Variants in NREP observed in about 807,000 individuals in gnomAD.
The protein encoded by NREP is neuronal regeneration-related protein.
In NREP, 5 loss-of-function variants were observed where a neutral mutation model predicts 8.6. The ratio of observed to expected loss-of-function variants is 0.58; its 90% CI spans 0.30 to 1.22. The LOEUF (loss-of-function observed/expected upper bound fraction) is 1.22, where lower values mean the gene tolerates loss of function less well. Among genes scored for constraint, NREP ranks in the 50% most tolerant of loss-of-function variants. The pLI is 0.07. For missense variants in NREP, 86 were observed against 82.5 expected (o/e 1.04, Z -0.17); for synonymous variants, 27 against 28.0 (o/e 0.96, Z 0.11).
At chr5:111,819,249 C>T (rs893308238) in intron 2 of NREP, among the ~76,000 whole-genome samples, 1 of 152,144 alleles carries the variant, frequency 6.6e-6, no homozygotes, top group African/African-American at 2.4e-5. Flanking sequence ...TCTCTAACCA[C>T]CCTTTCTGTC....
intron 2 of NREP, among the ~76,000 whole-genome samples, chr5:111,868,642 A>T (rs182653845): frequency 3.9e-5 from 6 of 152,288 alleles, no homozygotes; most frequent in Non-Finnish European, 8.8e-5. Context: ...TGCATGTCTG[A>T]GTTTACTACA....
At chr5:111,976,888 G>T (rs1756981896) in exon 1 of NREP, 2 of 602,686 alleles carry the variant, frequency 3.3e-6, no homozygotes, top group East Asian at 3.1e-5. Flanking sequence ...TGATTGCACT[G>T]CCTGGAAAAG....
chr5:111,764,718 T>C (rs1227401220), intron 2 of NREP, among the ~76,000 whole-genome samples: 1 of 151,910 alleles, frequency 6.6e-6, no homozygotes, highest in African/African-American at 2.4e-5. Context: ...AATAAGGAGG[T>C]TTTTCTTTTC....
At chr5:111,758,143 C>G (rs1581094874), upstream of NREP, 2 of 985,566 alleles carry the variant, frequency 2.0e-6, no homozygotes, top group Non-Finnish European at 2.4e-6. Flanking sequence ...TACGCGCGCC[C>G]CACTCCCTTC....
In NREP at chr5:111,730,923, A is replaced by T. The variant is rs1748487843; in HGVS notation, c.205T>A (p.Ter69LysextTer2). ...SPRISYLHFF* is the reference protein window; with the variant it reads ...SPRISYLHFFK ...TAATACAAATGGAGGTGTTACGATT[A>T]AAAAAAGTGGAGGTAACTGATTCTT... The change falls in exon 4 of 4, where the codon TAA becomes AAA. Residue 69 changes from the stop codon to lysine (K), a stop_lost. Transcript: ENST00000257435. The T allele has an allele frequency of 5.0e-6, 8 of 1,613,408 alleles. No individual in the cohort carries two copies. The highest frequency in any genetic ancestry group is 1.3e-5 in the African/African-American group (1 of 74,882).
At chr5:111,939,260 C>A (rs1284967903) in intron 2 of NREP, among the ~76,000 whole-genome samples, 1 of 151,994 alleles carries the variant, frequency 6.6e-6, no homozygotes, top group Non-Finnish European at 1.5e-5. Flanking sequence ...ACATCTGATG[C>A]AAAAAGTAGG....
chr5:111,865,775 C>T (rs759751966), intron 2 of NREP, among the ~76,000 whole-genome samples: 7 of 152,096 alleles, frequency 4.6e-5, no homozygotes, highest in East Asian at 1.9e-4. Flanking sequence ...TGTGAGGTAA[C>T]GTGGATACAA....
intron 2 of NREP, among the ~76,000 whole-genome samples, chr5:111,899,757 C>T (rs761467559): frequency 1.3e-4 from 20 of 151,998 alleles, no homozygotes; most frequent in Admixed American, 3.3e-4. Flanking sequence ...AAACATATTC[C>T]GTGCAAATAG....
intron 2 of NREP, among the ~76,000 whole-genome samples, chr5:111,882,863 T>A (rs1347715275): frequency 6.6e-6 from 1 of 152,260 alleles, no homozygotes; most frequent in Non-Finnish European, 1.5e-5. Context: ...TACCAGCCAC[T>A]GCAAAATCAT....
intron 2 of NREP, chr5:111,739,650 C>T (rs1258908043): frequency 6.6e-6 from 1 of 152,052 alleles, no homozygotes; most frequent in Non-Finnish European, 1.5e-5. Flanking sequence ...ATACTGCATT[C>T]CATTCATTCA....
intron 2 of NREP, among the ~76,000 whole-genome samples, chr5:111,911,905 T>C (rs1008836057): frequency 6.6e-6 from 1 of 152,046 alleles, no homozygotes; most frequent in African/African-American, 2.4e-5. Context: ...CCCACCACCA[T>C]CCTATAAGCA....
intron 2 of NREP, chr5:111,738,475 C>G (rs1432350846): frequency 2.0e-5 from 3 of 152,186 alleles, no homozygotes; most frequent in African/African-American, 7.2e-5. Flanking sequence ...ATGTTCTAGT[C>G]TACTCGCCAG....
chr5:111,756,137 A>C (rs1750688357), intron 1 of NREP: 1 of 1,075,944 alleles, frequency 9.3e-7, no homozygotes, highest in Non-Finnish European at 1.1e-6. Flanking sequence ...AAGTGATAAA[A>C]ATAGATTGTT....
chr5:111,924,105 T>A (rs559374816), intron 2 of NREP, among the ~76,000 whole-genome samples: 4 of 152,248 alleles, frequency 2.6e-5, no homozygotes, highest in African/African-American at 9.6e-5. Context: ...CTTCTGCCAA[T>A]GCTCTGGACC....
chr5:111,971,821 A>G (rs1756828148), intron 2 of NREP, among the ~76,000 whole-genome samples: 1 of 152,160 alleles, frequency 6.6e-6, no homozygotes, highest in Non-Finnish European at 1.5e-5. Flanking sequence ...GCTCCTTCAC[A>G]TGGGACTGGA....
intron 2 of NREP, among the ~76,000 whole-genome samples, chr5:111,926,294 A>C (rs533129142): frequency 1.3e-5 from 2 of 152,222 alleles, no homozygotes; most frequent in African/African-American, 4.8e-5. Context: ...AATGGGGACA[A>C]GAGGAGCTGA....
chr5:111,887,542 CA>C (rs1402287867), intron 2 of NREP, among the ~76,000 whole-genome samples: 3 of 152,148 alleles, frequency 2.0e-5, no homozygotes, highest in African/African-American at 7.2e-5. Flanking sequence ...TGCTATGGGA[CA>C]GATGCCTTGC....
At chr5:111,944,029 T>A (rs1323349969) in intron 2 of NREP, among the ~76,000 whole-genome samples, 1 of 152,130 alleles carries the variant, frequency 6.6e-6, no homozygotes, top group African/African-American at 2.4e-5. Context: ...TACCCTAGTT[T>A]AATTTGTTTA....
upstream of NREP, chr5:111,757,643 G>A (rs1175674980): frequency 2.0e-6 from 2 of 982,848 alleles, no homozygotes; most frequent in Non-Finnish European, 2.4e-6. Context: ...CCCGCGCCCC[G>A]GGCGCCCCGC....
Sources: gnomAD v4.1 joint callset for allele counts (sites outside exome capture counted in the v4.1 genomes callset) on GRCh38, gnomAD v4.1.1 for gene constraint, MANE v1.5 for transcripts, NCBI Gene and HGNC (gene_info 2026-07-23, HGNC 2026-07-21) for gene names.